LYPD5: variants seen among roughly 807,000 people sequenced by gnomAD.
LYPD5 encodes LY6/PLAUR domain containing 5.
LYPD5 carries 21 observed loss-of-function variants against 19.1 expected under a neutral mutation model. That is an observed-to-expected ratio of 1.10 (90% CI 0.78 to 1.58). The LOEUF is 1.58. Among genes scored for constraint, LYPD5 ranks in the 40% most tolerant of loss-of-function variants. LYPD5 has a pLI of 0.00. For synonymous variants in LYPD5, 128 were observed against 142.7 expected (o/e 0.90, Z 0.74); for missense variants, 287 against 329.8 (o/e 0.87, Z 1.00).
Position 43,798,850 on chromosome 19 carries a change from T to A in LYPD5, c.332A>T (p.His111Leu), listed in dbSNP as rs1208627151. Residue 111 changes from histidine to leucine, a missense_variant, in exon 3 of 5, where the codon CAC becomes CTC. Coordinates refer to ENST00000377950, the MANE Select transcript of LYPD5 (RefSeq NM_001031749.3). ...RGCTTDKCNAHLMTHDALPNL... is the reference protein window; with the variant it reads ...RGCTTDKCNALLMTHDALPNL... ...GGGGAGGGCGTCATGAGTCATGAGG[T>A]GGGCGTTGCATTTGTCAGTTGTGCA... 1 of 1,610,906 alleles carries A rather than the reference T, an allele frequency of 6.2e-7. No individual in the cohort carries two copies. Among genetic ancestry groups the A allele is most frequent in the East Asian group, 2.2e-5 (1 of 44,732 alleles).
intron 1 of LYPD5, among the ~76,000 whole-genome samples, chr19:43,813,109 G>A (rs1047457166): frequency 8.5e-5 from 13 of 152,148 alleles, no homozygotes; most frequent in African/African-American, 1.9e-4. Flanking sequence ...GTGTAATTAC[G>A]TTACTATGAG....
At chr19:43,798,756 A>T in intron 3 of LYPD5, 56 bp downstream of exon 3, 2 of 1,572,962 alleles carry the variant, frequency 1.3e-6, no homozygotes, top group Non-Finnish European at 1.7e-6. Flanking sequence ...GCCTTCCCCG[A>T]GGCTGCCAGG....
At position 43,797,383 on chromosome 19, in the gene LYPD5, C is replaced by T. The variant is rs1970146577; in HGVS notation, c.*208G>A. The stretch of plus-strand genomic sequence containing the variant: ...ATCGGGGCACGACATGGCTGTTTTG[C>T]CCTCCCCGGGGATGCTGGTGACTGT... On this transcript the variant is annotated 3_prime_UTR_variant, in exon 5 of 5. Coordinates refer to ENST00000377950, the MANE Select transcript of LYPD5 (RefSeq NM_001031749.3). 7.3e-6 allele frequency: 4 copies of T among 551,458 alleles called. No individual in the cohort carries two copies. The highest frequency in any genetic ancestry group is 1.3e-5 in the Non-Finnish European group (4 of 311,534). 34.2% of individuals were successfully genotyped at this position (551,458 alleles called of 1,614,324 possible).
chr19:43,806,795 A>C (rs186426067), upstream of LYPD5, among the ~76,000 whole-genome samples: 1 of 152,342 alleles, frequency 6.6e-6, no homozygotes, highest in Admixed American at 6.5e-5. Flanking sequence ...ACGCACAATA[A>C]ATGTAATGCT....
intron 1 of LYPD5, among the ~76,000 whole-genome samples, chr19:43,815,925 A>C (rs1321313286): frequency 1.3e-5 from 2 of 151,734 alleles, no homozygotes; most frequent in African/African-American, 4.8e-5. Flanking sequence ...GTAGAGATGG[A>C]GTTTCACCAT....
chr19:43,805,361 G>C (rs1970262230), upstream of LYPD5, among the ~76,000 whole-genome samples: 1 of 151,962 alleles, frequency 6.6e-6, no homozygotes, highest in Non-Finnish European at 1.5e-5. Flanking sequence ...AAGTAATGTG[G>C]GTCATCCCTT....
At position 43,799,973 on chromosome 19, in the gene LYPD5, CT is replaced by C. The variant is rs574556844; in HGVS notation, c.65-140del. ...AAGACACGCCTTGAGAGACCAGGTG[CT>C]GCTATTGCAGCTGGTCACAGCTGTG... On this transcript the variant is annotated intron_variant, in intron 1 of 4. Transcript: ENST00000377950. 2.8e-3 allele frequency: 2,818 copies of C among 1,009,446 alleles called. 8 individuals carry two copies. The highest frequency in any genetic ancestry group is 4.7e-3 in the Middle Eastern group (14 of 2,974). The allele number at this position is 1,009,446 out of a possible 1,614,324, so 62.5% of individuals were successfully genotyped here.
upstream of LYPD5, among the ~76,000 whole-genome samples, chr19:43,807,320 A>T (rs381595): frequency 8.9e-3 from 1,201 of 134,196 alleles, 15 homozygotes; most frequent in African/African-American, 0.033. Flanking sequence ...CGCTCTTGTT[A>T]CCCAGGCTGG....
intron 1 of LYPD5, among the ~76,000 whole-genome samples, chr19:43,817,444 C>G (rs1425847904): frequency 6.6e-6 from 1 of 152,146 alleles, no homozygotes; most frequent in Non-Finnish European, 1.5e-5. Context: ...ATTGACTCCA[C>G]CTTTGAAGGG....
In LYPD5 at chr19:43,798,508, TGGACTCGTCG is replaced by T; in HGVS notation, c.454_463del (p.Arg152SerfsTer16). 1 of 1,609,988 alleles carries T rather than the reference TGGACTCGTCG, an allele frequency of 6.2e-7. No individual in the cohort carries two copies. Among genetic ancestry groups the T allele is most frequent in the East Asian group, 2.2e-5 (1 of 44,880 alleles). On this transcript the variant is annotated frameshift_variant, in exon 4 of 5. Coordinates refer to ENST00000377950, the MANE Select transcript of LYPD5 (RefSeq NM_001031749.3). LOFTEE classifies it high-confidence loss of function. Reference sequence around the variant, plus strand: ...GCAGGCGGTCTGGTCCTGGTGACACTGGACTCGTCGGGACCTGCCGATAGCGCAGTCATCC... The same window carrying T: ...GCAGGCGGTCTGGTCCTGGTGACACTGGACCTGCCGATAGCGCAGTCATCC...
intron 1 of LYPD5, among the ~76,000 whole-genome samples, chr19:43,816,660 G>A (rs1319064694): frequency 6.6e-6 from 1 of 152,204 alleles, no homozygotes; most frequent in African/African-American, 2.4e-5. Context: ...TACATTTAAA[G>A]TAGTCACTAT....
chr19:43,812,037 G>T (rs1018420385), intron 1 of LYPD5, among the ~76,000 whole-genome samples: 1 of 152,116 alleles, frequency 6.6e-6, no homozygotes, highest in Non-Finnish European at 1.5e-5. Flanking sequence ...GGAGGGTTGG[G>T]TGGTGGCTGG....
At chr19:43,810,795 A>G (rs1970316463) in intron 1 of LYPD5, among the ~76,000 whole-genome samples, 1 of 151,678 alleles carries the variant, frequency 6.6e-6, no homozygotes, top group Non-Finnish European at 1.5e-5. Context: ...CGCCTGGCTA[A>G]TTCTTTGTAC....
chr19:43,802,564 G>GACTACC, upstream of LYPD5: 1 of 289,004 alleles, frequency 3.5e-6, no homozygotes, highest in Non-Finnish European at 5.8e-6. Context: ...CTCAGTTGCT[G>GACTACC]GAGATCTACA....
chr19:43,817,574 A>C (rs1206013579), intron 1 of LYPD5, among the ~76,000 whole-genome samples: 1 of 152,178 alleles, frequency 6.6e-6, no homozygotes, highest in African/African-American at 2.4e-5. Flanking sequence ...GCAGGGGCCA[A>C]GTGAAATGAA....
chr19:43,799,117 C>CCTCCTTCT, intron 2 of LYPD5, 129 bp from the exon 3 acceptor site: 1 of 1,112,330 alleles, frequency 9.0e-7, no homozygotes, highest in Non-Finnish European at 1.2e-6. Context: ...TCCCTCCTTC[C>CCTCCTTCT]TCTCACCCCC....
upstream of LYPD5, among the ~76,000 whole-genome samples, chr19:43,806,155 C>G (rs181343384): frequency 5.3e-3 from 809 of 152,306 alleles, 10 homozygotes; most frequent in African/African-American, 0.019. Context: ...AGGGAAGATT[C>G]ATCTGTATTT....
chr19:43,815,193 T>C (rs928479842), intron 1 of LYPD5, among the ~76,000 whole-genome samples: 1 of 152,062 alleles, frequency 6.6e-6, no homozygotes, highest in Non-Finnish European at 1.5e-5. Flanking sequence ...TTCAAGTTTA[T>C]CTGAAAAATG....
At chr19:43,799,573 T>G in intron 2 of LYPD5, 133 bp downstream of exon 2, 1 of 1,047,132 alleles carries the variant, frequency 9.5e-7, no homozygotes, top group Non-Finnish European at 1.4e-6. Context: ...CTTCCTCCTC[T>G]TCTTCCTCTC....
Sources: allele counts gnomAD v4.1 joint callset (sites outside exome capture counted in the v4.1 genomes callset), GRCh38; gene constraint gnomAD v4.1.1; transcripts MANE v1.5; gene names NCBI Gene and HGNC (gene_info 2026-07-23, HGNC 2026-07-21).